HTR1F: variants seen among roughly 807,000 people sequenced by gnomAD.
HTR1F encodes 5-hydroxytryptamine receptor 1F, also known as 5-hydroxytryptamine (serotonin) receptor 1F, G protein-coupled.
Under a neutral mutation model 24.0 loss-of-function variants are expected in HTR1F, and 17 were observed. That is an observed-to-expected ratio of 0.71 (90% CI 0.48 to 1.06). The LOEUF (loss-of-function observed/expected upper bound fraction) is 1.06. HTR1F is among the 50% of genes least tolerant of loss of function. The probability of loss-of-function intolerance (pLI) is 0.00; values close to 1 mark genes in which losing one functional copy is unlikely to be tolerated. For synonymous variants in HTR1F, 186 were observed against 156.8 expected, an observed-to-expected ratio of 1.19 and a Z score of -1.39; for missense variants, 391 against 427.8, an observed-to-expected ratio of 0.91 and a Z score of 0.76.
At chr3:87,804,725 CT>C (rs1324802465) in intron 1 of HTR1F, among the ~76,000 whole-genome samples, 2 of 151,938 alleles carry the variant, frequency 1.3e-5, no homozygotes, top group Non-Finnish European at 2.9e-5. Context: ...CTGTTGATGT[CT>C]TTGAACTTGT....
chr3:87,809,233 G>A (rs1481319675), intron 1 of HTR1F, among the ~76,000 whole-genome samples: 3 of 151,768 alleles, frequency 2.0e-5, no homozygotes, highest in Non-Finnish European at 3.0e-5. Flanking sequence ...CAGCAATATT[G>A]TTTCTGCTTC....
chr3:87,888,267 A>G (rs1480614093), intron 2 of HTR1F, among the ~76,000 whole-genome samples: 1 of 152,134 alleles, frequency 6.6e-6, no homozygotes, highest in Non-Finnish European at 1.5e-5. Flanking sequence ...TGAATTGAAC[A>G]ATGAGAACAC....
chr3:87,797,726 T>C (rs1006189875), intron 1 of HTR1F, among the ~76,000 whole-genome samples: 4 of 152,170 alleles, frequency 2.6e-5, no homozygotes, highest in Admixed American at 6.5e-5. Flanking sequence ...TAATACTATG[T>C]ACCACACAAC....
chr3:87,814,010 G>A (rs191353912), intron 1 of HTR1F, among the ~76,000 whole-genome samples: 1 of 152,036 alleles, frequency 6.6e-6, no homozygotes, highest in African/African-American at 2.4e-5. Context: ...AAGCCATTGG[G>A]ATAATCTTTT....
intron 2 of HTR1F, among the ~76,000 whole-genome samples, chr3:87,865,796 G>T (rs1705414776): frequency 6.6e-6 from 1 of 152,032 alleles, no homozygotes; most frequent in Non-Finnish European, 1.5e-5. Flanking sequence ...GACTATTACA[G>T]ATAGACTACT....
chr3:87,882,689 A>G (rs1459583969), intron 2 of HTR1F, among the ~76,000 whole-genome samples: 13 of 123,118 alleles, frequency 1.1e-4, no homozygotes, highest in Admixed American at 1.0e-3. Context: ...GGAACATCAC[A>G]CTCTGGGGAC....
Position 87,992,790 on chromosome 3 carries a change from T to C in HTR1F, c.*940T>C, listed in dbSNP as rs1705865441. 6.0e-6 allele frequency: 1 copy of C among 166,998 alleles called. No individual in the cohort carries two copies. The highest frequency in any genetic ancestry group is 6.5e-5 in the Admixed American group (1 of 15,268). The allele number at this position is 166,998 out of a possible 1,614,324, so 10.3% of individuals were successfully genotyped here. On this transcript the variant is annotated 3_prime_UTR_variant, in exon 3 of 3. Coordinates refer to ENST00000319595, the MANE Select transcript of HTR1F (RefSeq NM_001322209.2). ...TGTGGTATTTTGCACTTCAGTATTTTCCATACCTTTGATTTCAACATTATT... is the reference window on the plus strand; with the variant it reads ...TGTGGTATTTTGCACTTCAGTATTTCCCATACCTTTGATTTCAACATTATT...
At chr3:87,869,454 T>TAGATAGATAGATA (rs113301497) in intron 2 of HTR1F, among the ~76,000 whole-genome samples, 6 of 124,768 alleles carry the variant, frequency 4.8e-5, no homozygotes, top group African/African-American at 1.8e-4. Flanking sequence ...GATAGATAGA[T>TAGATAGATAGATA]GATAGATAGA....
At chr3:87,858,521 C>T (rs1705248865) in intron 2 of HTR1F, among the ~76,000 whole-genome samples, 1 of 152,192 alleles carries the variant, frequency 6.6e-6, no homozygotes, top group East Asian at 1.9e-4. Flanking sequence ...CCATGTCCAA[C>T]ATGAACTCTT....
intron 2 of HTR1F, among the ~76,000 whole-genome samples, chr3:87,847,911 T>C (rs987597158): frequency 6.6e-6 from 1 of 151,956 alleles, no homozygotes; most frequent in Non-Finnish European, 1.5e-5. Flanking sequence ...TGTGCATATA[T>C]ACCACATTTT....
intron 2 of HTR1F, among the ~76,000 whole-genome samples, chr3:87,895,827 G>A (rs187452730): frequency 5.3e-5 from 8 of 152,096 alleles, no homozygotes; most frequent in Admixed American, 1.3e-4. Flanking sequence ...CTTTCTAATC[G>A]TTCATAACAT....
intron 2 of HTR1F, among the ~76,000 whole-genome samples, chr3:87,905,650 CTA>C (rs1474235218): frequency 6.6e-6 from 1 of 150,672 alleles, no homozygotes; most frequent in Non-Finnish European, 1.5e-5. Context: ...TACAATTTGT[CTA>C]TGTTTTGTGT....
rs546085873 is a variant in HTR1F, at chr3:87,872,560, A to G, written c.-43+50436A>G. On this transcript the variant is annotated intron_variant, in intron 2 of 2. Coordinates refer to ENST00000319595, the MANE Select transcript of HTR1F (RefSeq NM_001322209.2). Reference sequence around the variant, plus strand: ...AACTAAAAGAGACTAAGTAACAAAAACCGAATAATAAAAATAAAATACAAT... The same window carrying G: ...AACTAAAAGAGACTAAGTAACAAAAGCCGAATAATAAAAATAAAATACAAT... Among the ~76,000 whole-genome samples, 84 of 152,106 alleles carry G rather than the reference A, an allele frequency of 5.5e-4. 1 individual carries two copies. In the Middle Eastern group the frequency reaches 0.014, roughly 25 times the overall value.
intron 2 of HTR1F, among the ~76,000 whole-genome samples, chr3:87,972,433 T>A (rs1705304551): frequency 6.6e-6 from 1 of 152,198 alleles, no homozygotes; most frequent in African/African-American, 2.4e-5. Context: ...TATTCATCCT[T>A]GAATATATTG....
At chr3:87,984,789 T>G (rs9863076) in intron 2 of HTR1F, among the ~76,000 whole-genome samples, 90,495 of 151,914 alleles carry the variant, frequency 0.6, 27,212 homozygotes, top group South Asian at 0.73. Context: ...CTCAGATTTA[T>G]TAGCACAAAA....
intron 2 of HTR1F, among the ~76,000 whole-genome samples, chr3:87,829,771 T>C (rs1704538249): frequency 6.6e-6 from 1 of 152,256 alleles, no homozygotes; most frequent in Non-Finnish European, 1.5e-5. Context: ...AATAATGATG[T>C]TACTTAATAA....
intron 2 of HTR1F, among the ~76,000 whole-genome samples, chr3:87,836,374 A>G (rs528675353): frequency 6.6e-6 from 1 of 152,284 alleles, no homozygotes; most frequent in South Asian, 2.1e-4. Context: ...GCTAAGAGTC[A>G]TATAATAATG....
chr3:87,951,098 C>T (rs1206015512), intron 2 of HTR1F, among the ~76,000 whole-genome samples: 7 of 152,014 alleles, frequency 4.6e-5, no homozygotes, highest in South Asian at 2.1e-4. Context: ...AGGCAACCTC[C>T]GAAACTTGGA....
intron 2 of HTR1F, among the ~76,000 whole-genome samples, chr3:87,985,030 T>C (rs1407108783): frequency 2.0e-5 from 3 of 152,136 alleles, no homozygotes; most frequent in African/African-American, 4.8e-5. Flanking sequence ...AATCTTTATT[T>C]TATAGAAAAA....
Sources: allele counts gnomAD v4.1 joint callset (sites outside exome capture counted in the v4.1 genomes callset), GRCh38; gene constraint gnomAD v4.1.1; transcripts MANE v1.5; gene names NCBI Gene and HGNC (gene_info 2026-07-23, HGNC 2026-07-21).